CNOT6L: variants seen among roughly 807,000 people sequenced by gnomAD.
CNOT6L encodes CCR4-NOT transcription complex subunit 6-like.
CNOT6L carries 7 observed loss-of-function variants against 64.0 expected under a neutral mutation model. That is an observed-to-expected ratio of 0.11 (90% CI 0.06 to 0.21). CNOT6L has a LOEUF of 0.21. CNOT6L is among the 10% of genes least tolerant of loss of function. The pLI is 1.00. For missense variants in CNOT6L, 245 were observed against 669.0 expected (o/e 0.37, Z 6.99); for synonymous variants, 193 against 243.4 (o/e 0.79, Z 1.93).
rs1474395711 is a variant in CNOT6L, at chr4:77,718,081, T to TTTTA, written c.*2346_*2349dup. On this transcript the variant is annotated 3_prime_UTR_variant, in exon 12 of 12. Coordinates refer to ENST00000504123, the MANE Select transcript of CNOT6L (RefSeq NM_144571.3). ...TCTACATTTAACTATTAAAAAAGTT[T>TTTTA]TTTATTAATAAATGGGCTCCTCTGT... 6.6e-6 allele frequency: 1 copy of TTTTA among 152,588 alleles called. No individual in the cohort carries two copies. The highest frequency in any genetic ancestry group is 1.5e-5 in the Non-Finnish European group (1 of 68,012). 9.5% of individuals were successfully genotyped at this position (152,588 alleles called of 1,614,324 possible).
intron 8 of CNOT6L, among the ~76,000 whole-genome samples, chr4:77,735,199 T>G (rs1722821797): frequency 6.6e-6 from 1 of 152,210 alleles, no homozygotes; most frequent in Non-Finnish European, 1.5e-5. Flanking sequence ...TTGAGTCACC[T>G]GAGGCAGTCA....
chr4:77,724,781 G>A (rs953489879), intron 11 of CNOT6L, among the ~76,000 whole-genome samples: 1 of 152,046 alleles, frequency 6.6e-6, no homozygotes, highest in Non-Finnish European at 1.5e-5. Context: ...TCTGGGTTAC[G>A]CTGGCAGATA....
At chr4:77,804,118 G>A (rs1263076697) in intron 1 of CNOT6L, among the ~76,000 whole-genome samples, 1 of 151,950 alleles carries the variant, frequency 6.6e-6, no homozygotes, top group African/African-American at 2.4e-5. Context: ...ATAATATATT[G>A]TTCACTCATA....
rs748979670 is a variant in CNOT6L at position 77,731,427 on chromosome 4, G to A, written c.984C>T (p.Val328=). Residue 328 remains valine, a synonymous_variant, in exon 9 of 12, where the codon GTC becomes GTT. Coordinates refer to ENST00000504123, the MANE Select transcript of CNOT6L (RefSeq NM_144571.3). The part of the protein sequence containing the change: ...NRVMTKDNIG[V]AVVLEVHKEL... ...CTTTGTGGACCTCTAATACCACAGC[G>A]ACACCAATGTTATCTTTTGTCATCA... 19 of 1,612,420 alleles carry A rather than the reference G, an allele frequency of 1.2e-5. No homozygotes were observed. The highest frequency in any genetic ancestry group is 1.7e-4 in the Middle Eastern group (1 of 5,762).
chr4:77,807,611 T>C (rs1329673267), intron 1 of CNOT6L, among the ~76,000 whole-genome samples: 3 of 152,166 alleles, frequency 2.0e-5, no homozygotes, highest in East Asian at 3.8e-4. Flanking sequence ...ATTGTAGGCA[T>C]ATATAAAGCA....
At chr4:77,751,627 C>T (rs116111547) in intron 5 of CNOT6L, among the ~76,000 whole-genome samples, 298 of 152,116 alleles carry the variant, frequency 2.0e-3, no homozygotes, top group African/African-American at 6.6e-3. Flanking sequence ...AACTAAAGAA[C>T]GAACCTTAAA....
intron 1 of CNOT6L, among the ~76,000 whole-genome samples, chr4:77,799,316 T>C (rs1210033009): frequency 2.0e-5 from 3 of 152,090 alleles, no homozygotes; most frequent in Non-Finnish European, 1.5e-5. Context: ...TCCCAACTGC[T>C]CAGGAAGATC....
At chr4:77,819,753 A>C (rs1364207420), upstream of CNOT6L, 2 of 93,856 alleles carry the variant, frequency 2.1e-5, no homozygotes, top group African/African-American at 4.0e-5. Flanking sequence ...CACCGGCCGG[A>C]GGGGATGCGG....
intron 1 of CNOT6L, among the ~76,000 whole-genome samples, chr4:77,791,900 T>C (rs1157134458): frequency 6.6e-6 from 1 of 152,300 alleles, no homozygotes; most frequent in African/African-American, 2.4e-5. Flanking sequence ...AGAATATATA[T>C]GTACATATAT....
chr4:77,812,432 C>A (rs1431017147), intron 1 of CNOT6L, among the ~76,000 whole-genome samples: 17 of 143,512 alleles, frequency 1.2e-4, no homozygotes, highest in Non-Finnish European at 7.5e-5. Context: ...AGTGAGACTC[C>A]ATCTCAAAAA....
intron 8 of CNOT6L, among the ~76,000 whole-genome samples, chr4:77,735,216 C>A (rs1722822923): frequency 6.6e-6 from 1 of 152,146 alleles, no homozygotes. Flanking sequence ...GTCAGGCCTG[C>A]AACACTTCAC....
intron 10 of CNOT6L, 103 bp from the exon 11 acceptor site, chr4:77,726,472 T>C: frequency 1.2e-6 from 1 of 856,786 alleles, no homozygotes; most frequent in Non-Finnish European, 1.8e-6. Context: ...CTCAGAGTGG[T>C]CTTCTTAGGT....
At chr4:77,724,113 C>T (rs1456277232) in intron 11 of CNOT6L, among the ~76,000 whole-genome samples, 4 of 150,744 alleles carry the variant, frequency 2.7e-5, no homozygotes, top group Non-Finnish European at 5.9e-5. Flanking sequence ...AAAAAACCCT[C>T]AAATATACAA....
At chr4:77,741,227 T>C (rs1478910436) in intron 8 of CNOT6L, among the ~76,000 whole-genome samples, 1 of 152,210 alleles carries the variant, frequency 6.6e-6, no homozygotes, top group African/African-American at 2.4e-5. Flanking sequence ...AAAGTAGGCA[T>C]AGATAAATGG....
chr4:77,757,858 G>A (rs145896612), intron 4 of CNOT6L, among the ~76,000 whole-genome samples: 90 of 152,134 alleles, frequency 5.9e-4, no homozygotes, highest in African/African-American at 2.0e-3. Context: ...CCGCCACCAC[G>A]CCCACTAATT....
At chr4:77,745,865 C>T (rs1724133825) in intron 6 of CNOT6L, among the ~76,000 whole-genome samples, 1 of 152,162 alleles carries the variant, frequency 6.6e-6, no homozygotes. Flanking sequence ...TGAAGTGACA[C>T]TTGATTGAAG....
In CNOT6L at chr4:77,776,842, A is replaced by T. The variant is rs575497672; in HGVS notation, c.6-450T>A. Among the ~76,000 whole-genome samples the T allele has an allele frequency of 3.3e-5, 5 of 152,330 alleles. No individual in the cohort carries two copies. In the South Asian group the frequency reaches 1.0e-3, roughly 32 times the overall value. ...GAGATTTAGTTCAGGAGTATCTAAT[A>T]ATCACAAAACCGCAGAACTCATTCT... On this transcript the variant is annotated intron_variant, in intron 1 of 11. Transcript: ENST00000504123.
chr4:77,774,781 C>A, intron 2 of CNOT6L, 65 bp from the exon 3 acceptor site: 1 of 1,051,506 alleles, frequency 9.5e-7, no homozygotes, highest in East Asian at 2.9e-5. Context: ...TAAACTACAA[C>A]GACTGAAAAG....
chr4:77,753,149 A>G (rs928336529), intron 5 of CNOT6L, among the ~76,000 whole-genome samples: 1 of 150,470 alleles, frequency 6.6e-6, no homozygotes, highest in Non-Finnish European at 1.5e-5. Context: ...TAGTACTATA[A>G]TTATTAAAGA....
Sources: gnomAD v4.1 joint callset for allele counts (sites outside exome capture counted in the v4.1 genomes callset) on GRCh38, gnomAD v4.1.1 for gene constraint, MANE v1.5 for transcripts, NCBI Gene and HGNC (gene_info 2026-07-23, HGNC 2026-07-21) for gene names.